The following NUP210L variants were observed in gnomAD, a reference collection of about 807,000 sequenced individuals.
NUP210L encodes the protein nucleoporin 210 like.
In NUP210L, 74 loss-of-function variants were observed where a neutral mutation model predicts 208.5. The ratio of observed to expected loss-of-function variants is 0.35; its 90% CI spans 0.29 to 0.43. The LOEUF is 0.43. Among genes scored for constraint, NUP210L ranks in the 20% least tolerant of loss-of-function variants. The pLI is 1.00. For missense variants in NUP210L, 1,843 were observed against 2,289.4 expected (o/e 0.81, Z 3.98); for synonymous variants, 780 against 816.9 (o/e 0.95, Z 0.77).
intron 27 of NUP210L, among the ~76,000 whole-genome samples, chr1:154,042,974 A>C (rs1310377448): frequency 6.8e-6 from 1 of 146,282 alleles, no homozygotes; most frequent in East Asian, 2.0e-4. Flanking sequence ...GGCCTCCCAA[A>C]TTGCTGGAAT....
At chr1:154,002,077 A>G in intron 35 of NUP210L, 92 bp from the exon 36 acceptor site, 1 of 1,281,004 alleles carries the variant, frequency 7.8e-7, no homozygotes. Flanking sequence ...TGTGACATGC[A>G]AATTCAGCAA....
intron 16 of NUP210L, among the ~76,000 whole-genome samples, chr1:154,086,594 C>T (rs1012810799): frequency 8.0e-5 from 12 of 150,020 alleles, no homozygotes; most frequent in Non-Finnish European, 1.2e-4. Flanking sequence ...GAGTATCATT[C>T]GAGGCCAGGA....
chr1:154,009,096 G>C lies in NUP210L; in HGVS notation c.4930+876C>G, dbSNP rs193213664. 2.0e-5 allele frequency among the ~76,000 whole-genome samples: 3 copies of C among 152,048 alleles called. No homozygotes were observed. In the East Asian group the frequency reaches 5.8e-4, roughly 29 times the overall value. On this transcript the variant is annotated intron_variant, in intron 35 of 39. Transcript: ENST00000368559. ...GGCTAATTTTTGTATTTTTAGTAGA[G>C]ATGGGGTTTCATCATGTTGGCCAGG...
In NUP210L at chr1:154,036,356, GTGTGTA is replaced by G. The variant is rs1398627388; in HGVS notation, c.3697-6308_3697-6303del. On this transcript the variant is annotated intron_variant, in intron 27 of 39. Coordinates refer to ENST00000368559, the Ensembl canonical transcript of NUP210L. ...TGTGTGTGTGTGTGTGTGTGTGTGT[GTGTGTA>G]TAACTTTTTTTTTTTTTTTTTTTTG... 3.1e-3 allele frequency among the ~76,000 whole-genome samples: 262 copies of G among 83,706 alleles called. 3 individuals are homozygous for G. The highest frequency in any genetic ancestry group is 0.012 in the African/African-American group (255 of 21,070). The allele number at this position is 83,706 out of a possible 152,430, so 54.9% of individuals were successfully genotyped here.
intron 17 of NUP210L, among the ~76,000 whole-genome samples, chr1:154,067,457 GC>G (rs1447397131): frequency 1.3e-5 from 2 of 152,070 alleles, no homozygotes; most frequent in Non-Finnish European, 2.9e-5. Context: ...AATAATAAGA[GC>G]TATTTATGAC....
At chr1:154,006,886 GTATACACATATACATATA>G (rs1242043201) in intron 35 of NUP210L, among the ~76,000 whole-genome samples, 6 of 123,540 alleles carry the variant, frequency 4.9e-5, no homozygotes, top group African/African-American at 1.8e-4. Flanking sequence ...ACATACATAT[GTATACACATATACATATA>G]TATACACATA....
exon 32 of NUP210L, chr1:154,022,268 T>A: frequency 6.2e-7 from 1 of 1,614,148 alleles, no homozygotes; most frequent in South Asian, 1.1e-5. Flanking sequence ...GCCCCACAAG[T>A]GTCAGCCCTC....
chr1:154,013,633 C>G (rs887060345), intron 33 of NUP210L, among the ~76,000 whole-genome samples: 1 of 152,080 alleles, frequency 6.6e-6, no homozygotes, highest in African/African-American at 2.4e-5. Context: ...AAAACAACTG[C>G]AACTTTCTTC....
At chr1:154,068,420 G>A (rs1654523052) in intron 17 of NUP210L, among the ~76,000 whole-genome samples, 1 of 152,212 alleles carries the variant, frequency 6.6e-6, no homozygotes, top group South Asian at 2.1e-4. Context: ...AGTGGCTCAT[G>A]CCTGTAATCC....
chr1:154,090,019 G>C (rs545263850), intron 15 of NUP210L, among the ~76,000 whole-genome samples: 1 of 152,142 alleles, frequency 6.6e-6, no homozygotes, highest in South Asian at 2.1e-4. Context: ...CAAGGCTACA[G>C]TGAGCCATGT....
At chr1:154,080,359 C>CAA (rs1377653117) in intron 16 of NUP210L, among the ~76,000 whole-genome samples, 9 of 129,116 alleles carry the variant, frequency 7.0e-5, no homozygotes, top group African/African-American at 2.0e-4. Flanking sequence ...GACTCCATCT[C>CAA]AAAAAAAAAA....
intron 29 of NUP210L, 143 bp downstream of exon 29, chr1:154,027,363 T>G: frequency 1.7e-6 from 1 of 603,350 alleles, no homozygotes; most frequent in South Asian, 2.1e-5. Flanking sequence ...TACAATAGTT[T>G]TACATTATGG....
chr1:154,009,874 G>A (rs1650802635), intron 35 of NUP210L, 98 bp downstream of exon 35: 1 of 972,974 alleles, frequency 1.0e-6, no homozygotes, highest in Admixed American at 2.8e-5. Context: ...TTATATATCA[G>A]ATGAAACTAC....
intron 16 of NUP210L, among the ~76,000 whole-genome samples, chr1:154,078,057 C>T (rs560501181): frequency 6.6e-6 from 1 of 151,700 alleles, no homozygotes; most frequent in African/African-American, 2.4e-5. Flanking sequence ...GTAATCTCAG[C>T]ACTTTGGGAG....
intron 16 of NUP210L, among the ~76,000 whole-genome samples, chr1:154,074,436 C>T (rs1268282135): frequency 1.3e-5 from 2 of 151,186 alleles, no homozygotes; most frequent in South Asian, 2.1e-4. Flanking sequence ...CCTTCTGTCT[C>T]TTTCTTCCTT....
chr1:154,032,398 T>A (rs555858725), intron 27 of NUP210L, among the ~76,000 whole-genome samples: 1 of 152,348 alleles, frequency 6.6e-6, no homozygotes, highest in East Asian at 1.9e-4. Flanking sequence ...TAAGCCATTT[T>A]AACTGGGGTG....
chr1:154,023,176 C>T (rs753413499), exon 31 of NUP210L: 15 of 1,613,980 alleles, frequency 9.3e-6, no homozygotes, highest in Admixed American at 1.7e-5. Context: ...CTCTCCGATA[C>T]TATTATAAAA....
chr1:154,102,565 T>A (rs1656523252), intron 13 of NUP210L, among the ~76,000 whole-genome samples: 1 of 152,108 alleles, frequency 6.6e-6, no homozygotes, highest in East Asian at 1.9e-4. Context: ...AAAGCAAAAG[T>A]CCAATTTGAT....
At chr1:153,994,377 C>T (rs565170588) in intron 38 of NUP210L, among the ~76,000 whole-genome samples, 2 of 152,094 alleles carry the variant, frequency 1.3e-5, no homozygotes, top group African/African-American at 2.4e-5. Context: ...TGCAGTGGCA[C>T]GATCTTGGCT....
Sources: allele counts gnomAD v4.1 joint callset (sites outside exome capture counted in the v4.1 genomes callset), GRCh38; gene constraint gnomAD v4.1.1; transcripts MANE v1.5; gene names NCBI Gene and HGNC (gene_info 2026-07-23, HGNC 2026-07-21).